Variants in TNFSF12 observed in about 807,000 individuals in gnomAD.
TNFSF12 encodes the protein TNF superfamily member 12, also known as tumor necrosis factor ligand superfamily member 12.
In TNFSF12, 16 loss-of-function variants were observed where a neutral mutation model predicts 31.2. The observed-to-expected ratio is 0.51, with a 90% CI of 0.35 to 0.78. The LOEUF (loss-of-function observed/expected upper bound fraction) is 0.78. TNFSF12 is among the 30% of genes least tolerant of loss of function. The pLI is 0.01. For synonymous variants in TNFSF12, 150 were observed against 151.4 expected, an observed-to-expected ratio of 0.99 and a Z score of 0.07; for missense variants, 324 against 338.8, an observed-to-expected ratio of 0.96 and a Z score of 0.34.
Position 7,550,338 on chromosome 17 carries a change from T to A in TNFSF12, c.283+143T>A, listed in dbSNP as rs1353712879. On this transcript the variant is annotated intron_variant, in intron 3 of 6. Transcript: ENST00000293825. The surrounding 1 kb of genome is among the most constrained non-coding windows in gnomAD (Gnocchi z 4.4). ...GACTCAAACCTAGGGATTCTCGCCCTCCTCTGAAGCTCCTTCTGTCATATG... is the reference window on the plus strand; with the variant it reads ...GACTCAAACCTAGGGATTCTCGCCCACCTCTGAAGCTCCTTCTGTCATATG... 1.2e-5 allele frequency: 15 copies of A among 1,275,268 alleles called. No individual in the cohort carries two copies. Among genetic ancestry groups the A allele is most frequent in the Non-Finnish European group, 1.6e-5 (15 of 916,184 alleles). 79.0% of individuals were successfully genotyped at this position (1,275,268 alleles called of 1,614,324 possible). A position where few individuals can be genotyped will look rare whatever the true frequency, so the allele number is the denominator to read the frequency against.
intron 5 of TNFSF12, among the ~76,000 whole-genome samples, chr17:7,556,051 G>A (rs559447549): frequency 1.4e-4 from 20 of 141,956 alleles, no homozygotes; most frequent in African/African-American, 4.4e-4. Context: ...CATGATCTTG[G>A]TTCACTGCAA....
rs752698154 is a variant in TNFSF12, at chr17:7,550,991, C to A, written c.373+13C>A. The A allele has an allele frequency of 1.5e-5, 24 of 1,613,424 alleles. No individual in the cohort carries two copies. Among genetic ancestry groups the A allele is most frequent in the Non-Finnish European group, 1.9e-5 (23 of 1,180,002 alleles). On this transcript the variant is annotated intron_variant, in intron 5 of 6. Transcript: ENST00000293825. This position sits in a 1 kb window ranked among gnomAD's most constrained non-coding sequence, Gnocchi z 4.4. ...GGAGCGCAGGCAGGTGAGACCCCATCCCCCGACACAGCACTGGCCTCCTGG... is the reference window on the plus strand; with the variant it reads ...GGAGCGCAGGCAGGTGAGACCCCATACCCCGACACAGCACTGGCCTCCTGG...
chr17:7,549,454 C>G lies in TNFSF12; in HGVS notation c.160-20C>G, dbSNP rs776037378. 6.7e-7 allele frequency: 1 copy of G among 1,501,150 alleles called. No individual in the cohort carries two copies. Among genetic ancestry groups the G allele is most frequent in the South Asian group, 1.3e-5 (1 of 78,748 alleles). 93.0% of individuals were successfully genotyped at this position (1,501,150 alleles called of 1,614,324 possible). On this transcript the variant is annotated intron_variant, in intron 1 of 6. Transcript: ENST00000293825. This position sits in a 1 kb window ranked among gnomAD's most constrained non-coding sequence, Gnocchi z 4.1. The stretch of plus-strand genomic sequence containing the variant: ...TGTCAGGTGGAGCGGCACAGGGTGA[C>G]GCTCCCTCCTTCCCAGCAGGAGCCT...
intron 5 of TNFSF12, chr17:7,553,597 C>T (rs1412068787): frequency 3.1e-6 from 4 of 1,287,104 alleles, no homozygotes; most frequent in Non-Finnish European, 3.1e-6. Flanking sequence ...ATGGAGGTTA[C>T]ACAACTTGTC....
intron 5 of TNFSF12, among the ~76,000 whole-genome samples, chr17:7,551,335 C>G (rs2070999749): frequency 6.6e-6 from 1 of 152,058 alleles, no homozygotes; most frequent in Non-Finnish European, 1.5e-5. Context: ...TCTACCCCAC[C>G]CTCTACCTCA....
Position 7,549,645 on chromosome 17 carries a change from G to C in TNFSF12, c.207+124G>C. On this transcript the variant is annotated intron_variant, in intron 2 of 6. Coordinates refer to ENST00000293825, the MANE Select transcript of TNFSF12 (RefSeq NM_003809.3). This position sits in a 1 kb window ranked among gnomAD's most constrained non-coding sequence, Gnocchi z 4.1. ...TGTGTGCAGGGTGTGTGTGAACACA[G>C]TGCGTGCATGGGTGCGTGTCTGCAG... 7.3e-7 allele frequency: 1 copy of C among 1,362,888 alleles called. No individual in the cohort carries two copies. The highest frequency in any genetic ancestry group is 9.7e-7 in the Non-Finnish European group (1 of 1,030,018). 84.4% of individuals were successfully genotyped at this position (1,362,888 alleles called of 1,614,324 possible). A position where few individuals can be genotyped will look rare whatever the true frequency, so the allele number is the denominator to read the frequency against.
At position 7,549,099 on chromosome 17, in the gene TNFSF12, A is replaced by C; in HGVS notation, c.-55A>C. On this transcript the variant is annotated 5_prime_UTR_variant, in exon 1 of 7. Transcript: ENST00000293825. This position sits in a 1 kb window ranked among gnomAD's most constrained non-coding sequence, Gnocchi z 4.1. ...CCGCCCGCCGGCTCCCCCTCCCCCG[A>C]TCCCTCGGGTCCCGGGATGGGGGGG... 8.3e-7 allele frequency: 1 copy of C among 1,205,410 alleles called. No individual in the cohort carries two copies. Among genetic ancestry groups the C allele is most frequent in the Non-Finnish European group, 1.0e-6 (1 of 972,968 alleles). The allele number at this position is 1,205,410 out of a possible 1,614,324, so 74.7% of individuals were successfully genotyped here.
At chr17:7,552,829 G>A (rs2071015621) in intron 5 of TNFSF12, among the ~76,000 whole-genome samples, 1 of 152,078 alleles carries the variant, frequency 6.6e-6, no homozygotes, top group South Asian at 2.1e-4. Flanking sequence ...TTTCAAGGAG[G>A]ATGTGGCTGT....
rs765282407 is a variant in TNFSF12 at position 7,550,985 on chromosome 17, C to G, written c.373+7C>G. 2 of 1,613,498 alleles carry G rather than the reference C, an allele frequency of 1.2e-6. No individual in the cohort carries two copies. Among genetic ancestry groups the G allele is most frequent in the Non-Finnish European group, 1.7e-6 (2 of 1,180,010 alleles). On this transcript the variant is annotated splice_region_variant and intron_variant, in intron 5 of 6. Transcript: ENST00000293825. The surrounding 1 kb of genome is among the most constrained non-coding windows in gnomAD (Gnocchi z 4.4). ...CAGGACGGAGCGCAGGCAGGTGAGACCCCATCCCCCGACACAGCACTGGCC... is the reference window on the plus strand; with the variant it reads ...CAGGACGGAGCGCAGGCAGGTGAGAGCCCATCCCCCGACACAGCACTGGCC...
chr17:7,551,429 T>C (rs1029129459), intron 5 of TNFSF12, among the ~76,000 whole-genome samples: 1 of 152,120 alleles, frequency 6.6e-6, no homozygotes, highest in African/African-American at 2.4e-5. Context: ...CCATCTGACC[T>C]GTGCTGCCAT....
chr17:7,549,998 G>A lies in TNFSF12; in HGVS notation c.208-122G>A. ...CGGGGCCCCAGCTGTAGTTGGCTGA[G>A]GGGCTTAATCTGTCCCTGACTTCTG... On this transcript the variant is annotated intron_variant, in intron 2 of 6. Transcript: ENST00000293825. This position sits in a 1 kb window ranked among gnomAD's most constrained non-coding sequence, Gnocchi z 4.1. 7 of 1,504,442 alleles carry A rather than the reference G, an allele frequency of 4.7e-6. No individual in the cohort carries two copies. Among genetic ancestry groups the A allele is most frequent in the Non-Finnish European group, 6.4e-6 (7 of 1,094,304 alleles). 93.2% of individuals were successfully genotyped at this position (1,504,442 alleles called of 1,614,324 possible). A position where few individuals can be genotyped will look rare whatever the true frequency, so the allele number is the denominator to read the frequency against.
chr17:7,549,378 G>C lies in TNFSF12; in HGVS notation c.159+66G>C. 3 of 1,410,478 alleles carry C rather than the reference G, an allele frequency of 2.1e-6. No individual in the cohort carries two copies. In the African/African-American group the frequency reaches 4.3e-5, roughly 20 times the overall value. The allele number at this position is 1,410,478 out of a possible 1,614,324, so 87.4% of individuals were successfully genotyped here. The stretch of plus-strand genomic sequence containing the variant: ...GCTGAGACTGCAGAGGGGCCGCTGG[G>C]GGCCGCGTGGGCTGAAGGCAAGGGG... On this transcript the variant is annotated intron_variant, in intron 1 of 6. Transcript: ENST00000293825. This position sits in a 1 kb window ranked among gnomAD's most constrained non-coding sequence, Gnocchi z 4.1.
rs776034989 is a variant in TNFSF12 at position 7,557,263 on chromosome 17, G to T, written c.663G>T (p.Gly221=). The change falls in exon 7 of 7, where the codon GGG becomes GGT. Residue 221 remains glycine (G), a synonymous_variant. Transcript: ENST00000293825. The surrounding 1 kb of genome is among the most constrained non-coding windows in gnomAD (Gnocchi z 5.2). ...QVSGLLALRP[G]SSLRIRTLPW... is the part of the protein sequence containing the mutation. ...CTGGGCTGTTGGCCCTGCGGCCAGG[G>T]TCCTCCCTGCGGATCCGCACCCTCC... 33 of 1,613,678 alleles carry T rather than the reference G, an allele frequency of 2.0e-5. No individual in the cohort carries two copies. The highest frequency in any genetic ancestry group is 2.6e-5 in the Non-Finnish European group (31 of 1,179,980).
At chr17:7,554,307 C>CTTTTT (rs67090485) in intron 5 of TNFSF12, among the ~76,000 whole-genome samples, 54 of 73,014 alleles carry the variant, frequency 7.4e-4, no homozygotes, top group South Asian at 1.4e-3. Context: ...TATCCAGACT[C>CTTTTT]TTTTTTTTTT....
chr17:7,550,831 GC>G lies in TNFSF12; in HGVS notation c.317del (p.Ala106GlyfsTer25), dbSNP rs1567720316. 6.2e-7 allele frequency: 1 copy of G among 1,612,424 alleles called. No individual in the cohort carries two copies. On this transcript the variant is annotated frameshift_variant, in exon 4 of 7. Coordinates refer to ENST00000293825, the MANE Select transcript of TNFSF12 (RefSeq NM_003809.3). LOFTEE classifies it high-confidence loss of function. The surrounding 1 kb of genome is among the most constrained non-coding windows in gnomAD (Gnocchi z 4.4). The stretch of plus-strand genomic sequence containing the variant: ...AGGCCGGAAAACACGGGCTCGAAGA[GC>G]GATCGCAGCCCATTATGAAGGTGGG... ...PKGRKTRARR[A>X]IAAHYEVHPR...
Position 7,550,304 on chromosome 17 carries a change from A to C in TNFSF12, c.283+109A>C, listed in dbSNP as rs1597823397. 1 of 1,515,978 alleles carries C rather than the reference A, an allele frequency of 6.6e-7. No individual in the cohort carries two copies. The highest frequency in any genetic ancestry group is 1.8e-5 in the Admixed American group (1 of 55,110). The allele number at this position is 1,515,978 out of a possible 1,614,324, so 93.9% of individuals were successfully genotyped here. On this transcript the variant is annotated intron_variant, in intron 3 of 6. Transcript: ENST00000293825. The surrounding 1 kb of genome is among the most constrained non-coding windows in gnomAD (Gnocchi z 4.4). ...AAAGGAGTTCAGAGTCATGCAGCTA[A>C]CCAGCCAAGACTCAAACCTAGGGAT...
chr17:7,556,946 C>A, intron 6 of TNFSF12, 44 bp downstream of exon 6: 1 of 1,520,440 alleles, frequency 6.6e-7, no homozygotes, highest in Non-Finnish European at 8.8e-7. Context: ...AAGAGAGTGG[C>A]GAAGGGTTTG....
intron 6 of TNFSF12, 91 bp downstream of exon 6, chr17:7,556,993 G>A (rs1027914196): frequency 2.7e-6 from 4 of 1,509,394 alleles, no homozygotes; most frequent in Admixed American, 2.0e-5. Flanking sequence ...GGCTGGGAGG[G>A]TGAGTTGGGG....
Position 7,550,971 on chromosome 17 carries a change from G to A in TNFSF12, c.366G>A (p.Ala122=), listed in dbSNP as rs529570679. ...ATCCACGACCTGGACAGGACGGAGC[G>A]CAGGCAGGTGAGACCCCATCCCCCG... The part of the protein sequence containing the change: ...EVHPRPGQDG[A]QAGVDGTVSG... Residue 122 remains alanine (A), a synonymous_variant, in exon 5 of 7, where the codon GCG becomes GCA. Transcript: ENST00000293825. This position sits in a 1 kb window ranked among gnomAD's most constrained non-coding sequence, Gnocchi z 4.4. 15 of 1,613,804 alleles carry A rather than the reference G, an allele frequency of 9.3e-6. No homozygotes were observed. Among genetic ancestry groups the A allele is most frequent in the East Asian group, 4.5e-5 (2 of 44,880 alleles).
Sources: gnomAD v4.1 joint callset for allele counts (sites outside exome capture counted in the v4.1 genomes callset) on GRCh38, gnomAD v4.1.1 for gene constraint, Gnocchi (gnomAD v3.1) non-coding constraint, MANE v1.5 for transcripts, NCBI Gene and HGNC (gene_info 2026-07-23, HGNC 2026-07-21) for gene names.